Variants in DHTKD1 observed in about 807,000 individuals in gnomAD.
DHTKD1 encodes the protein dehydrogenase E1 and transketolase domain containing 1.
In DHTKD1, 78 loss-of-function variants were observed where a neutral mutation model predicts 101.8. That is an observed-to-expected ratio of 0.77 (90% CI 0.64 to 0.93). The LOEUF (loss-of-function observed/expected upper bound fraction) is 0.93, where lower values mean the gene tolerates loss of function less well. Among genes scored for constraint, DHTKD1 ranks in the 40% least tolerant of loss-of-function variants. The probability of loss-of-function intolerance (pLI) is 0.00; values close to 1 mark genes in which losing one functional copy is unlikely to be tolerated. For synonymous variants in DHTKD1, 462 were observed against 450.3 expected (o/e 1.03, Z -0.33); for missense variants, 1,223 against 1,161.7 (o/e 1.05, Z -0.77).
chr10:12,116,292 T>A (rs910090508), intron 13 of DHTKD1: 3 of 152,216 alleles, frequency 2.0e-5, no homozygotes, highest in Admixed American at 1.3e-4. Context: ...ATTCATTTTT[T>A]AATTTTTATT....
In DHTKD1 at chr10:12,089,104, T is replaced by TC; in HGVS notation, c.838dup (p.His280ProfsTer54). ...CTGTACTTTGGGGCGCACCATCCCC[T>TC]CCATGTGACAATGTTGCCCAATCCC... is the stretch of plus-strand genomic sequence containing the variant. On this transcript the variant is annotated frameshift_variant, in exon 5 of 17. Coordinates refer to ENST00000263035, the MANE Select transcript of DHTKD1 (RefSeq NM_018706.7). LOFTEE classifies it high-confidence loss of function. 6.2e-7 allele frequency: 1 copy of TC among 1,614,154 alleles called. No homozygotes were observed. The highest frequency in any genetic ancestry group is 1.1e-5 in the South Asian group (1 of 91,086).
At chr10:12,102,241 T>C (rs56047951) in intron 10 of DHTKD1, among the ~76,000 whole-genome samples, 6,302 of 151,786 alleles carry the variant, frequency 0.042, 365 homozygotes, top group African/African-American at 0.14. Flanking sequence ...CTGGCCAAAA[T>C]GGTGAAACCC....
chr10:12,117,836 G>T, intron 14 of DHTKD1, 81 bp downstream of exon 14: 1 of 426,566 alleles, frequency 2.3e-6, no homozygotes, highest in Non-Finnish European at 4.1e-6. Flanking sequence ...AGAGATCACA[G>T]GTGATGCAGA....
rs1198655890 is a variant in DHTKD1 at position 12,077,225 on chromosome 10, G to GT, written c.155-4241dup. On this transcript the variant is annotated intron_variant, in intron 1 of 16. Transcript: ENST00000263035. ...TATATGTTGTGGTCATTCATTAAGT[G>GT]TTTTTTGTTTTTTTTTTTTGAGATG... Among the ~76,000 whole-genome samples, 245 of 150,150 alleles carry GT rather than the reference G, an allele frequency of 1.6e-3. 3 individuals carry two copies. Among genetic ancestry groups the GT allele is most frequent in the Middle Eastern group, 7.0e-3 (2 of 284 alleles).
rs1301117285 is a variant in DHTKD1 at position 12,094,151 on chromosome 10, T to C, written c.1238T>C (p.Phe413Ser). Reference sequence around the variant, plus strand: ...GTGGTCCGTGCCACACGACTGGCTTTTGAATACCAACGCCAGTTCCGCAAG... The same window carrying C: ...GTGGTCCGTGCCACACGACTGGCTTCTGAATACCAACGCCAGTTCCGCAAG... The part of the protein sequence containing the change: ...EEVVRATRLA[F>S]EYQRQFRKDV... Residue 413 changes from phenylalanine to serine, a missense_variant, in exon 7 of 17, where the codon TTT (phenylalanine) becomes TCT (serine). Phe to Ser is a radical substitution (Grantham distance 155). Transcript: ENST00000263035. The C allele has an allele frequency of 3.1e-6, 5 of 1,614,036 alleles. No individual in the cohort carries two copies. The South Asian group carries it at 5.5e-5, about 18-fold the overall frequency.
chr10:12,119,360 A>C (rs1172034417), intron 15 of DHTKD1, among the ~76,000 whole-genome samples: 3 of 151,592 alleles, frequency 2.0e-5, no homozygotes, highest in African/African-American at 7.3e-5. Context: ...TCACGCCTGT[A>C]GTCCCAGCAC....
chr10:12,078,304 A>C (rs963313591), intron 1 of DHTKD1, among the ~76,000 whole-genome samples: 1 of 152,066 alleles, frequency 6.6e-6, no homozygotes, highest in Non-Finnish European at 1.5e-5. Context: ...ACGTGCCTGT[A>C]ATCCCAGCTA....
At chr10:12,114,154 A>C (rs1173191794) in intron 13 of DHTKD1, among the ~76,000 whole-genome samples, 1 of 151,870 alleles carries the variant, frequency 6.6e-6, no homozygotes, top group Non-Finnish European at 1.5e-5. Context: ...TTTATCTGTT[A>C]AGTGTACATT....
chr10:12,114,616 A>G (rs1238798847), intron 13 of DHTKD1, among the ~76,000 whole-genome samples: 2 of 151,438 alleles, frequency 1.3e-5, no homozygotes, highest in African/African-American at 4.9e-5. Context: ...CAGTTTTTAC[A>G]TTTATTTGGA....
chr10:12,108,066 G>A (rs761689676), intron 12 of DHTKD1, 51 bp downstream of exon 12: 8 of 1,400,086 alleles, frequency 5.7e-6, no homozygotes, highest in African/African-American at 1.4e-5. Flanking sequence ...GCTTCCTAGA[G>A]CTTTTCTACC....
At position 12,087,481 on chromosome 10, in the gene DHTKD1, ACTGGAGAAG is replaced by A. The variant is rs1259720421; in HGVS notation, c.523-49_523-41del. 6.7e-7 allele frequency: 1 copy of A among 1,498,422 alleles called. No individual in the cohort carries two copies. Among genetic ancestry groups the A allele is most frequent in the Non-Finnish European group, 9.0e-7 (1 of 1,106,118 alleles). The allele number at this position is 1,498,422 out of a possible 1,614,324, so 92.8% of individuals were successfully genotyped here. On this transcript the variant is annotated intron_variant, in intron 3 of 16. Coordinates refer to ENST00000263035, the MANE Select transcript of DHTKD1 (RefSeq NM_018706.7). This position sits in a 1 kb window ranked among gnomAD's most constrained non-coding sequence, Gnocchi z 5.2. ...ACACACACAGACTTATCTGCCTTCC[ACTGGAGAAG>A]CTGGCTGTCTCCTGGCAGCTCACGT...
chr10:12,090,731 C>T (rs1832978326), intron 5 of DHTKD1, among the ~76,000 whole-genome samples: 1 of 152,152 alleles, frequency 6.6e-6, no homozygotes, highest in African/African-American at 2.4e-5. Flanking sequence ...AAGCAACCCT[C>T]CTGCCTTGGC....
In DHTKD1 at chr10:12,120,298, G is replaced by T. The variant is rs747520622; in HGVS notation, c.2658+31G>T. ...CACACGTTTTCTCTGGTAGTGTTTT[G>T]TGTTTTGTGTGCATGTTGTTTTTCT... is the stretch of plus-strand genomic sequence containing the variant. On this transcript the variant is annotated intron_variant, in intron 16 of 16. Coordinates refer to ENST00000263035, the MANE Select transcript of DHTKD1 (RefSeq NM_018706.7). 6 of 1,534,474 alleles carry T rather than the reference G, an allele frequency of 3.9e-6. No homozygotes were observed. The South Asian group carries it at 6.9e-5, about 18-fold the overall frequency.
chr10:12,098,728 C>A (rs1393432640), intron 8 of DHTKD1, among the ~76,000 whole-genome samples: 1 of 152,126 alleles, frequency 6.6e-6, no homozygotes, highest in Non-Finnish European at 1.5e-5. Context: ...CCATGCCCAG[C>A]TAATTTTTGT....
At chr10:12,072,815 C>T (rs1832671212) in intron 1 of DHTKD1, among the ~76,000 whole-genome samples, 1 of 151,900 alleles carries the variant, frequency 6.6e-6, no homozygotes, top group African/African-American at 2.4e-5. Context: ...CAGCTCACCA[C>T]AACCTCTGCC....
intron 12 of DHTKD1, among the ~76,000 whole-genome samples, chr10:12,111,494 G>A (rs1195140576): frequency 2.0e-5 from 3 of 152,186 alleles, no homozygotes; most frequent in Admixed American, 6.6e-5. Context: ...TAGGAAATAA[G>A]GCCTGTTTGG....
In DHTKD1 at chr10:12,117,619, C is replaced by T. The variant is rs566338041; in HGVS notation, c.2320-54C>T. 3.8e-6 allele frequency: 4 copies of T among 1,045,254 alleles called. No homozygotes were observed. The East Asian group carries it at 7.4e-5, about 19-fold the overall frequency. The allele number at this position is 1,045,254 out of a possible 1,614,324, so 64.7% of individuals were successfully genotyped here. On this transcript the variant is annotated intron_variant, in intron 13 of 16. Transcript: ENST00000263035. ...GTTTGATAGCGGCCCTTGTAAGTGA[C>T]AGCATCACCTCTTTCTGTTGCTTGC...
intron 7 of DHTKD1, among the ~76,000 whole-genome samples, chr10:12,097,392 C>T (rs1450160248): frequency 2.6e-5 from 4 of 152,126 alleles, no homozygotes. Flanking sequence ...CCTGCCTCAG[C>T]CTCCTGAGTA....
intron 11 of DHTKD1, among the ~76,000 whole-genome samples, chr10:12,106,612 G>A (rs1833252366): frequency 6.6e-6 from 1 of 152,162 alleles, no homozygotes; most frequent in Non-Finnish European, 1.5e-5. Context: ...CTCAGCAGGA[G>A]CACTGGTGCC....
Sources: allele counts gnomAD v4.1 joint callset (sites outside exome capture counted in the v4.1 genomes callset), GRCh38; gene constraint gnomAD v4.1.1; non-coding constraint Gnocchi (gnomAD v3.1); transcripts MANE v1.5; gene names NCBI Gene and HGNC (gene_info 2026-07-23, HGNC 2026-07-21).